TECRL: variants seen among roughly 807,000 people sequenced by gnomAD.
TECRL encodes the protein trans-2,3-enoyl-CoA reductase-like.
Under a neutral mutation model 52.8 loss-of-function variants are expected in TECRL, and 63 were observed. The ratio of observed to expected loss-of-function variants is 1.19; its 90% CI spans 0.97 to 1.47. The LOEUF (loss-of-function observed/expected upper bound fraction) is 1.47, where lower values mean the gene tolerates loss of function less well. Ranked by LOEUF, TECRL falls within the 40% of genes most tolerant of loss-of-function variation. The pLI, the probability that TECRL is intolerant of heterozygous loss-of-function variation, is 0.00. For missense variants in TECRL, 482 were observed against 429.6 expected (o/e 1.12, Z -1.08); for synonymous variants, 164 against 141.9 (o/e 1.16, Z -1.10).
At chr4:64,402,288 G>T (rs1724406961) in intron 1 of TECRL, among the ~76,000 whole-genome samples, 1 of 151,618 alleles carries the variant, frequency 6.6e-6, no homozygotes, top group Non-Finnish European at 1.5e-5. Context: ...CTTCTATTTT[G>T]TCATGGACTG....
chr4:64,336,259 G>A (rs1233702609), intron 2 of TECRL, among the ~76,000 whole-genome samples: 5 of 152,092 alleles, frequency 3.3e-5, no homozygotes, highest in African/African-American at 1.2e-4. Context: ...ATGTGTCCAG[G>A]AATTTATCCA....
chr4:64,324,752 A>G (rs948480257), intron 3 of TECRL, among the ~76,000 whole-genome samples: 6 of 152,092 alleles, frequency 3.9e-5, no homozygotes, highest in Admixed American at 6.6e-5. Context: ...TAAATTGATT[A>G]CTATTTGTAA....
intron 4 of TECRL, among the ~76,000 whole-genome samples, chr4:64,317,972 C>A (rs1717623149): frequency 6.6e-6 from 1 of 152,002 alleles, no homozygotes; most frequent in Non-Finnish European, 1.5e-5. Context: ...TGAAGGTGGC[C>A]TCATAAAACT....
rs548962585 is a variant in TECRL, at chr4:64,349,325, G to T, written c.287-20769C>A. ...TTTTTGTATTTTTAGTAGAGATGGG[G>T]TTTCTCCATGTAGGCCAGGCTGGTC... On this transcript the variant is annotated intron_variant, in intron 2 of 11. Transcript: ENST00000381210. Among the ~76,000 whole-genome samples the T allele has an allele frequency of 5.3e-5, 8 of 151,950 alleles. No homozygotes were observed. In the East Asian group the frequency reaches 1.4e-3, roughly 26 times the overall value.
intron 1 of TECRL, among the ~76,000 whole-genome samples, chr4:64,386,343 A>T (rs1360690856): frequency 6.6e-6 from 1 of 152,196 alleles, no homozygotes; most frequent in Non-Finnish European, 1.5e-5. Context: ...GAAATGGATA[A>T]TCATGAAGGT....
chr4:64,296,575 G>C (rs1338976380), intron 8 of TECRL, among the ~76,000 whole-genome samples: 1 of 151,716 alleles, frequency 6.6e-6, no homozygotes, highest in African/African-American at 2.4e-5. Context: ...AGAAAGGCTA[G>C]AAAAAGAGTT....
intron 1 of TECRL, among the ~76,000 whole-genome samples, chr4:64,400,817 G>A (rs1842954): frequency 0.25 from 38,059 of 152,030 alleles, 4,914 homozygotes; most frequent in Middle Eastern, 0.31. Flanking sequence ...CTCCCCAGAA[G>A]CAGATGCCAC....
intron 2 of TECRL, among the ~76,000 whole-genome samples, chr4:64,331,352 A>G (rs1718627727): frequency 1.3e-5 from 2 of 152,134 alleles, no homozygotes; most frequent in African/African-American, 4.8e-5. Flanking sequence ...ACTAATGGTG[A>G]TCTCAAGCTG....
At chr4:64,397,974 A>G (rs1321474195) in intron 1 of TECRL, among the ~76,000 whole-genome samples, 1 of 151,828 alleles carries the variant, frequency 6.6e-6, no homozygotes, top group Non-Finnish European at 1.5e-5. Context: ...CTTATATTTA[A>G]TTTGAACTGT....
rs112642780 is a variant in TECRL, at chr4:64,346,167, G to A, written c.287-17611C>T. On this transcript the variant is annotated intron_variant, in intron 2 of 11. Transcript: ENST00000381210. ...TATGGGAAAAATACTTTCTTGCTACGAAATATTCAAAAGTCATCTTTCAAC... is the reference window on the plus strand; with the variant it reads ...TATGGGAAAAATACTTTCTTGCTACAAAATATTCAAAAGTCATCTTTCAAC... Among the ~76,000 whole-genome samples, 496 of 152,102 alleles carry A rather than the reference G, an allele frequency of 3.3e-3. 5 individuals are homozygous for A. The highest frequency in any genetic ancestry group is 0.011 in the African/African-American group (455 of 41,476).
chr4:64,345,757 C>T (rs901493539), intron 2 of TECRL, among the ~76,000 whole-genome samples: 3 of 151,324 alleles, frequency 2.0e-5, no homozygotes, highest in African/African-American at 4.9e-5. Flanking sequence ...CAGTTAAGGT[C>T]CTGTTGAACC....
chr4:64,326,551 AT>A (rs1718276493), intron 3 of TECRL, among the ~76,000 whole-genome samples: 1 of 152,046 alleles, frequency 6.6e-6, no homozygotes, highest in Non-Finnish European at 1.5e-5. Context: ...ACCTCTGCTC[AT>A]TTTTATACCT....
chr4:64,304,397 A>AC (rs1436396271), intron 7 of TECRL, among the ~76,000 whole-genome samples: 3 of 152,044 alleles, frequency 2.0e-5, no homozygotes, highest in Non-Finnish European at 4.4e-5. Flanking sequence ...TCTCTATATT[A>AC]CAACTTCAGC....
rs532622595 is a variant in TECRL, at chr4:64,391,053, C to T, written c.235-15830G>A. On this transcript the variant is annotated intron_variant, in intron 1 of 11. Coordinates refer to ENST00000381210, the MANE Select transcript of TECRL (RefSeq NM_001010874.5). ...TATTGCCAGCCACTAAAAATGATTG[C>T]ATTACTTTTTAAATTTAACTATGTG... 3.3e-5 allele frequency among the ~76,000 whole-genome samples: 5 copies of T among 151,852 alleles called. No individual in the cohort carries two copies. In the South Asian group the frequency reaches 8.3e-4, roughly 25 times the overall value.
At chr4:64,380,717 C>T (rs1722730908) in intron 1 of TECRL, among the ~76,000 whole-genome samples, 2 of 152,026 alleles carry the variant, frequency 1.3e-5, no homozygotes, top group South Asian at 4.1e-4. Context: ...ACTATAAATG[C>T]AAGGATTTAT....
At chr4:64,332,395 T>C (rs751520167) in intron 2 of TECRL, among the ~76,000 whole-genome samples, 1 of 152,228 alleles carries the variant, frequency 6.6e-6, no homozygotes. Flanking sequence ...CCAGCCTTAC[T>C]GCTGGCAGAG....
intron 1 of TECRL, among the ~76,000 whole-genome samples, chr4:64,383,357 G>T (rs1018579318): frequency 6.6e-6 from 1 of 151,960 alleles, no homozygotes; most frequent in African/African-American, 2.4e-5. Context: ...GAGTTTCTAT[G>T]CTTTTTTTTG....
chr4:64,317,642 C>T (rs1717600007), intron 4 of TECRL, among the ~76,000 whole-genome samples: 1 of 152,070 alleles, frequency 6.6e-6, no homozygotes, highest in Non-Finnish European at 1.5e-5. Context: ...AGTTAGTATC[C>T]TGCTAGATAA....
intron 6 of TECRL, among the ~76,000 whole-genome samples, chr4:64,305,543 T>C (rs1322435148): frequency 6.6e-6 from 1 of 152,084 alleles, no homozygotes; most frequent in Non-Finnish European, 1.5e-5. Flanking sequence ...TGTTATGGAG[T>C]TAGCAGGACA....
Sources: allele counts gnomAD v4.1 joint callset (sites outside exome capture counted in the v4.1 genomes callset), GRCh38; gene constraint gnomAD v4.1.1; transcripts MANE v1.5; gene names NCBI Gene and HGNC (gene_info 2026-07-23, HGNC 2026-07-21).